CARMIL1: variants seen among roughly 807,000 people sequenced by gnomAD.
CARMIL1 encodes the protein F-actin-uncapping protein LRRC16A.
CARMIL1 carries 90 observed loss-of-function variants against 177.1 expected under a neutral mutation model. That is an observed-to-expected ratio of 0.51 (90% CI 0.43 to 0.61). CARMIL1 has a LOEUF of 0.61. Among genes scored for constraint, CARMIL1 ranks in the 20% least tolerant of loss-of-function variants. CARMIL1 has a pLI of 0.00. For synonymous variants in CARMIL1, 577 were observed against 606.2 expected (o/e 0.95, Z 0.71); for missense variants, 1,380 against 1,667.0 (o/e 0.83, Z 3.00).
At chr6:25,296,113 G>A (rs1782349327) in intron 2 of CARMIL1, among the ~76,000 whole-genome samples, 1 of 152,224 alleles carries the variant, frequency 6.6e-6, no homozygotes, top group South Asian at 2.1e-4. Flanking sequence ...TTCCCAGACA[G>A]TTCTGAAGGC....
intron 24 of CARMIL1, among the ~76,000 whole-genome samples, chr6:25,535,057 G>A (rs1335557671): frequency 6.6e-6 from 1 of 152,210 alleles, no homozygotes; most frequent in Non-Finnish European, 1.5e-5. Flanking sequence ...ATATGAGTTA[G>A]TGGTGTGATG....
At position 25,607,162 on chromosome 6, in the gene CARMIL1, C is replaced by A. The variant is rs535518594; in HGVS notation, c.3847+889C>A. 6.0e-5 allele frequency among the ~76,000 whole-genome samples: 9 copies of A among 150,884 alleles called. No individual in the cohort carries two copies. The East Asian group carries it at 1.2e-3, about 20-fold the overall frequency. On this transcript the variant is annotated intron_variant, in intron 35 of 36. Coordinates refer to ENST00000329474, the MANE Select transcript of CARMIL1 (RefSeq NM_017640.6). ...CGTCACCCTATCTCAAAAAAACCAA[C>A]CAAACAAACAAAAAAACACACAAAA...
chr6:25,452,724 A>T (rs1799101225), intron 8 of CARMIL1: 1 of 152,540 alleles, frequency 6.6e-6, no homozygotes, highest in Non-Finnish European at 1.5e-5. Context: ...AGACAAGTGG[A>T]TGCTCATATC....
chr6:25,535,687 C>G (rs974987398), intron 24 of CARMIL1, among the ~76,000 whole-genome samples: 1 of 152,178 alleles, frequency 6.6e-6, no homozygotes, highest in Non-Finnish European at 1.5e-5. Flanking sequence ...CAGATTGCAT[C>G]TCCTTTATTT....
At chr6:25,602,265 G>A (rs902446261) in intron 33 of CARMIL1, among the ~76,000 whole-genome samples, 4 of 152,214 alleles carry the variant, frequency 2.6e-5, no homozygotes, top group African/African-American at 9.6e-5. Flanking sequence ...AGGAGGCATG[G>A]TGTGGCCCTC....
At chr6:25,570,921 T>C (rs915287952) in intron 29 of CARMIL1, among the ~76,000 whole-genome samples, 1 of 152,258 alleles carries the variant, frequency 6.6e-6, no homozygotes, top group Non-Finnish European at 1.5e-5. Context: ...AGGAATACTT[T>C]ATGCTGTCCA....
Position 25,600,621 on chromosome 6 carries a change from G to A in CARMIL1, c.3427G>A (p.Val1143Met). 2 of 1,613,990 alleles carry A rather than the reference G, an allele frequency of 1.2e-6. No homozygotes were observed. Among genetic ancestry groups the A allele is most frequent in the Non-Finnish European group, 1.7e-6 (2 of 1,179,884 alleles). The change falls in exon 33 of 37, where the codon GTG becomes ATG. Residue 1143 changes from valine (V) to methionine (M), a missense_variant. Coordinates refer to ENST00000329474, the MANE Select transcript of CARMIL1 (RefSeq NM_017640.6). ...EESQGEEIGK[V>M]ERSDSKSSPQ... ...GAGTCAAGGGGAAGAAATAGGGAAG[G>A]TGGAACGGAGTGACAGCAAGAGCAG...
intron 11 of CARMIL1, among the ~76,000 whole-genome samples, chr6:25,480,724 G>C (rs371713923): frequency 3.7e-5 from 4 of 107,230 alleles, no homozygotes; most frequent in Admixed American, 9.0e-5. Flanking sequence ...ATTACTATTT[G>C]TTTCCTTTTT....
chr6:25,468,867 A>C (rs1800861057), intron 9 of CARMIL1, among the ~76,000 whole-genome samples: 1 of 152,244 alleles, frequency 6.6e-6, no homozygotes, highest in Non-Finnish European at 1.5e-5. Flanking sequence ...TCTTCAAAGC[A>C]TTATGGTAAA....
intron 2 of CARMIL1, among the ~76,000 whole-genome samples, chr6:25,393,820 C>T (rs946870651): frequency 3.3e-5 from 5 of 151,626 alleles, no homozygotes; most frequent in Middle Eastern, 3.4e-3. Context: ...TTGCACCACA[C>T]ACTCTAGCCT....
intron 2 of CARMIL1, among the ~76,000 whole-genome samples, chr6:25,408,297 A>T (rs888276504): frequency 2.1e-4 from 32 of 151,376 alleles, no homozygotes; most frequent in South Asian, 1.7e-3. Flanking sequence ...TAAAATAAAA[A>T]AAAAAAAAAA....
chr6:25,372,729 CT>C (rs1284665133), intron 2 of CARMIL1, among the ~76,000 whole-genome samples: 2 of 152,096 alleles, frequency 1.3e-5, no homozygotes, highest in Admixed American at 6.6e-5. Context: ...TTTGGATACC[CT>C]TTATTTTTCT....
At chr6:25,362,704 C>A (rs947505860) in intron 2 of CARMIL1, among the ~76,000 whole-genome samples, 5 of 151,990 alleles carry the variant, frequency 3.3e-5, no homozygotes, top group Admixed American at 2.6e-4. Context: ...AAAACCACTA[C>A]ACGAGCTGTA....
chr6:25,294,995 G>A (rs566822702), intron 2 of CARMIL1, among the ~76,000 whole-genome samples: 39 of 152,274 alleles, frequency 2.6e-4, no homozygotes, highest in Non-Finnish European at 3.4e-4. Context: ...ATCAAGCTAA[G>A]TGCAACCTGC....
intron 2 of CARMIL1, among the ~76,000 whole-genome samples, chr6:25,408,474 CACTG>C (rs1794608769): frequency 8.0e-6 from 1 of 125,752 alleles, no homozygotes. Context: ...CAATGATTTA[CACTG>C]ACTATCGCCA....
chr6:25,593,939 A>C (rs747429022), intron 31 of CARMIL1, among the ~76,000 whole-genome samples: 11 of 152,192 alleles, frequency 7.2e-5, no homozygotes, highest in Non-Finnish European at 1.6e-4. Context: ...TCCAGCAAGA[A>C]AGAAAGTAGT....
At chr6:25,319,141 C>G (rs1295914204) in intron 2 of CARMIL1, among the ~76,000 whole-genome samples, 1 of 152,086 alleles carries the variant, frequency 6.6e-6, no homozygotes, top group Non-Finnish European at 1.5e-5. Flanking sequence ...CTACTCAAGC[C>G]TATAGAAGCC....
intron 2 of CARMIL1, among the ~76,000 whole-genome samples, chr6:25,337,208 T>C (rs1378646115): frequency 1.3e-5 from 2 of 152,246 alleles, no homozygotes; most frequent in African/African-American, 4.8e-5. Context: ...TCCTTGTAAG[T>C]TAATAAGTAT....
chr6:25,455,224 T>A (rs190188143), intron 8 of CARMIL1, among the ~76,000 whole-genome samples: 1 of 152,354 alleles, frequency 6.6e-6, no homozygotes, highest in East Asian at 1.9e-4. Context: ...AACTTCATAT[T>A]ACAGCTAGAG....
Sources: allele counts gnomAD v4.1 joint callset (sites outside exome capture counted in the v4.1 genomes callset), GRCh38; gene constraint gnomAD v4.1.1; transcripts MANE v1.5; gene names NCBI Gene and HGNC (gene_info 2026-07-23, HGNC 2026-07-21).